SGCD: variants seen among roughly 807,000 people sequenced by gnomAD.
SGCD encodes sarcoglycan delta.
In SGCD, 18 loss-of-function variants were observed where a neutral mutation model predicts 36.6. The ratio of observed to expected loss-of-function variants is 0.49; its 90% CI spans 0.34 to 0.73. The LOEUF is 0.73. Ranked by LOEUF, SGCD falls within the 30% of genes least tolerant of loss-of-function variation. The pLI is 0.01. For missense variants in SGCD, 387 were observed against 346.7 expected (o/e 1.12, Z -0.92); for synonymous variants, 133 against 130.6 (o/e 1.02, Z -0.12).
chr5:156,517,389 G>A (rs1289537894), intron 4 of SGCD, among the ~76,000 whole-genome samples: 1 of 152,168 alleles, frequency 6.6e-6, no homozygotes, highest in Non-Finnish European at 1.5e-5. Context: ...AAGAGACAGG[G>A]AGAATGGAAC....
At chr5:156,246,407 T>G (rs1765440401) in intron 3 of SGCD, among the ~76,000 whole-genome samples, 1 of 152,188 alleles carries the variant, frequency 6.6e-6, no homozygotes, top group Non-Finnish European at 1.5e-5. Flanking sequence ...ATCAATAATT[T>G]GTTTTCAGTT....
At chr5:156,047,646 G>T (rs543293821) in intron 1 of SGCD, among the ~76,000 whole-genome samples, 4 of 152,008 alleles carry the variant, frequency 2.6e-5, no homozygotes, top group African/African-American at 7.2e-5. Flanking sequence ...TTACAGCTTG[G>T]GGGGGAAAAA....
At chr5:155,749,000 G>A in the SGCD span, among the ~76,000 whole-genome samples, 1 of 152,140 alleles carries the variant, frequency 6.6e-6, no homozygotes, top group Admixed American at 6.5e-5. Context: ...AGTTAATAAT[G>A]ACAACTGTGG....
intron 1 of SGCD, among the ~76,000 whole-genome samples, chr5:155,885,493 C>T (rs2113303198): frequency 1.8e-5 from 1 of 55,920 alleles, no homozygotes; most frequent in Middle Eastern, 7.4e-3. Context: ...ACAATACATA[C>T]AGTCTTGTGC....
intron 3 of SGCD, among the ~76,000 whole-genome samples, chr5:156,159,109 C>T (rs1191981439): frequency 1.3e-5 from 2 of 151,544 alleles, no homozygotes; most frequent in African/African-American, 2.4e-5. Context: ...GCCTCATTTC[C>T]ACCATTATAG....
chr5:156,219,762 C>T (rs929765702), intron 3 of SGCD, among the ~76,000 whole-genome samples: 1 of 152,168 alleles, frequency 6.6e-6, no homozygotes, highest in African/African-American at 2.4e-5. Flanking sequence ...CTGAGGCCAG[C>T]CATAAGCTTT....
At chr5:155,996,114 TG>T (rs1348687857) in intron 1 of SGCD, among the ~76,000 whole-genome samples, 5 of 152,014 alleles carry the variant, frequency 3.3e-5, no homozygotes, top group Non-Finnish European at 5.9e-5. Context: ...TTATTATGTT[TG>T]TTTTTTTAAC....
intron 7 of SGCD, among the ~76,000 whole-genome samples, chr5:156,705,061 T>A (rs1754685107): frequency 6.6e-6 from 1 of 152,160 alleles, no homozygotes; most frequent in Admixed American, 6.6e-5. Flanking sequence ...TGAAGGTCTG[T>A]AATTTACAAC....
intron 1 of SGCD, among the ~76,000 whole-genome samples, chr5:155,935,883 G>A (rs576497905): frequency 9.4e-4 from 143 of 152,244 alleles, no homozygotes; most frequent in African/African-American, 3.3e-3. Context: ...GTGTGTGAGC[G>A]AGCAAGTGAG....
chr5:156,688,395 T>C (rs1263769154), intron 7 of SGCD, among the ~76,000 whole-genome samples: 1 of 152,206 alleles, frequency 6.6e-6, no homozygotes, highest in Non-Finnish European at 1.5e-5. Flanking sequence ...TATTAGCTCA[T>C]TTGATCTTCA....
chr5:155,901,267 G>C (rs1260736073), intron 1 of SGCD, among the ~76,000 whole-genome samples: 1 of 150,612 alleles, frequency 6.6e-6, no homozygotes, highest in Non-Finnish European at 1.5e-5. Flanking sequence ...AGCCGAGATA[G>C]TACCACTGCA....
chr5:156,243,565 A>G (rs1765358548), intron 3 of SGCD, among the ~76,000 whole-genome samples: 2 of 152,232 alleles, frequency 1.3e-5, no homozygotes, highest in Non-Finnish European at 2.9e-5. Flanking sequence ...TAGAATATAT[A>G]AAATACAAGG....
intron 1 of SGCD, among the ~76,000 whole-genome samples, chr5:155,975,257 G>A (rs1758086244): frequency 6.6e-6 from 1 of 152,104 alleles, no homozygotes; most frequent in Non-Finnish European, 1.5e-5. Context: ...GCCTATTGGG[G>A]GCCTATTGAC....
At chr5:156,139,353 G>T (rs910062057) in intron 3 of SGCD, among the ~76,000 whole-genome samples, 2 of 106,428 alleles carry the variant, frequency 1.9e-5, no homozygotes, top group East Asian at 2.9e-4. Flanking sequence ...TTTGTAGTTT[G>T]GGCTTTTACA....
intron 1 of SGCD, among the ~76,000 whole-genome samples, chr5:155,954,047 A>G (rs555156576): frequency 5.3e-4 from 81 of 152,302 alleles, no homozygotes; most frequent in African/African-American, 1.9e-3. Flanking sequence ...TATTTAGGCT[A>G]AGAAAATAGA....
At chr5:156,522,397 T>C (rs1405512905) in intron 4 of SGCD, among the ~76,000 whole-genome samples, 1 of 152,124 alleles carries the variant, frequency 6.6e-6, no homozygotes, top group Non-Finnish European at 1.5e-5. Context: ...TGAAGTACTA[T>C]GCAGCCTTAA....
At chr5:156,262,627 C>T (rs942356927) in intron 3 of SGCD, among the ~76,000 whole-genome samples, 18 of 151,854 alleles carry the variant, frequency 1.2e-4, no homozygotes, top group African/African-American at 2.9e-4. Flanking sequence ...GATTTTGGTG[C>T]GCTCATCACC....
chr5:156,216,803 G>T (rs1237568360), intron 3 of SGCD, among the ~76,000 whole-genome samples: 2 of 152,334 alleles, frequency 1.3e-5, no homozygotes, highest in Non-Finnish European at 2.9e-5. Context: ...ATGTGGCCGG[G>T]CGTGGTGGCT....
intron 3 of SGCD, among the ~76,000 whole-genome samples, chr5:156,159,986 G>C (rs1260099566): frequency 1.3e-5 from 2 of 151,488 alleles, no homozygotes; most frequent in Non-Finnish European, 2.9e-5. Flanking sequence ...AAAGAAAATA[G>C]CAAATTGTGG....
Sources: allele counts gnomAD v4.1 joint callset (sites outside exome capture counted in the v4.1 genomes callset), GRCh38; gene constraint gnomAD v4.1.1; transcripts MANE v1.5; gene names NCBI Gene and HGNC (gene_info 2026-07-23, HGNC 2026-07-21).